UHRF2: variants seen among roughly 807,000 people sequenced by gnomAD.
UHRF2 encodes ubiquitin like with PHD and ring finger domains 2.
In UHRF2, 23 loss-of-function variants were observed where a neutral mutation model predicts 96.8. The observed-to-expected ratio is 0.24, with a 90% CI of 0.17 to 0.34. The LOEUF (loss-of-function observed/expected upper bound fraction) is 0.34. Among genes scored for constraint, UHRF2 ranks in the 10% least tolerant of loss-of-function variants. The probability of loss-of-function intolerance (pLI) is 1.00; values close to 1 mark genes in which losing one functional copy is unlikely to be tolerated. For missense variants in UHRF2, 685 were observed against 981.5 expected (o/e 0.70, Z 4.04); for synonymous variants, 385 against 332.6 (o/e 1.16, Z -1.72).
At chr9:6,460,533 C>G (rs894967450) in intron 3 of UHRF2, 40 bp from the exon 4 acceptor site, 2 of 1,521,288 alleles carry the variant, frequency 1.3e-6, no homozygotes, top group South Asian at 1.2e-5. Flanking sequence ...CTTTAGTTGT[C>G]TTTGGTAATC....
intron 4 of UHRF2, among the ~76,000 whole-genome samples, chr9:6,474,579 G>T (rs148155019): frequency 1.9e-3 from 292 of 152,236 alleles, no homozygotes; most frequent in Middle Eastern, 0.014. Flanking sequence ...GGTGGCGCAG[G>T]CCTGTAATCC....
rs201391704 is a variant in UHRF2 at position 6,491,710 on chromosome 9, G to T, written c.1498-2116G>T. Among the ~76,000 whole-genome samples the T allele has an allele frequency of 6.9e-4, 105 of 152,240 alleles. 1 individual carries two copies. Among genetic ancestry groups the T allele is most frequent in the Non-Finnish European group, 6.3e-4 (43 of 68,002 alleles). On this transcript the variant is annotated intron_variant, in intron 9 of 15. Coordinates refer to ENST00000276893, the MANE Select transcript of UHRF2 (RefSeq NM_152896.3). ...AGCTTGGGAGAAGAATAGAGGTTGG[G>T]AATAACTGAAGAACTGAGTTACTTT...
chr9:6,491,454 TA>T (rs1195445982), intron 9 of UHRF2, among the ~76,000 whole-genome samples: 9 of 152,216 alleles, frequency 5.9e-5, no homozygotes, highest in African/African-American at 2.2e-4. Context: ...TGCAGGGATG[TA>T]AAGGGTGTTA....
chr9:6,415,442 T>C (rs1819542938), intron 1 of UHRF2: 1 of 152,262 alleles, frequency 6.6e-6, no homozygotes, highest in South Asian at 2.1e-4. Flanking sequence ...GTTCACTTTC[T>C]TATGCGCTGA....
chr9:6,458,073 G>T (rs1446967248), intron 3 of UHRF2, among the ~76,000 whole-genome samples: 1 of 152,176 alleles, frequency 6.6e-6, no homozygotes, highest in East Asian at 1.9e-4. Flanking sequence ...AATAGTTTCA[G>T]AAGAAATGGT....
intron 14 of UHRF2, among the ~76,000 whole-genome samples, chr9:6,500,930 C>T (rs149286030): frequency 8.5e-4 from 129 of 152,188 alleles, no homozygotes; most frequent in African/African-American, 2.9e-3. Flanking sequence ...TTCTCTATGC[C>T]CAAAGTTACT....
intron 3 of UHRF2, among the ~76,000 whole-genome samples, chr9:6,456,805 C>T (rs1441397928): frequency 6.6e-6 from 1 of 152,134 alleles, no homozygotes; most frequent in Non-Finnish European, 1.5e-5. Context: ...TTCCCCATTT[C>T]TTGTTTTTGT....
At chr9:6,422,308 C>T (rs1819974182) in intron 2 of UHRF2, among the ~76,000 whole-genome samples, 1 of 152,078 alleles carries the variant, frequency 6.6e-6, no homozygotes, top group Non-Finnish European at 1.5e-5. Context: ...TCTCGAACTC[C>T]TGACCTCCTC....
intron 2 of UHRF2, chr9:6,422,635 G>T: frequency 4.7e-6 from 3 of 641,274 alleles, no homozygotes; most frequent in South Asian, 3.6e-5. Context: ...TTTGAGACAG[G>T]GTCTGGCTCT....
rs562076714 is a variant in UHRF2, at chr9:6,425,482, C to T, written c.384+4340C>T. Among the ~76,000 whole-genome samples, 43 of 152,148 alleles carry T rather than the reference C, an allele frequency of 2.8e-4. 1 individual carries two copies. Among genetic ancestry groups the T allele is most frequent in the African/African-American group, 1.0e-3 (42 of 41,514 alleles). ...ATTGTCAAAGGATAGAGGCCGGGCG[C>T]AGTGGCTCATGCCTGTAATCCCAGC... is the stretch of plus-strand genomic sequence containing the variant. On this transcript the variant is annotated intron_variant, in intron 2 of 15. Transcript: ENST00000276893.
chr9:6,427,310 CATG>C (rs1193725974), intron 2 of UHRF2, among the ~76,000 whole-genome samples: 1 of 152,088 alleles, frequency 6.6e-6, no homozygotes, highest in Non-Finnish European at 1.5e-5. Context: ...CTTTGAACAT[CATG>C]ATAAGCAGGT....
intron 3 of UHRF2, among the ~76,000 whole-genome samples, chr9:6,438,828 T>C (rs1226187472): frequency 6.6e-6 from 1 of 152,210 alleles, no homozygotes; most frequent in Admixed American, 6.5e-5. Flanking sequence ...CCAAGATAAA[T>C]AGCTATTCTC....
intron 2 of UHRF2, among the ~76,000 whole-genome samples, chr9:6,429,596 G>A (rs927193282): frequency 6.6e-5 from 10 of 152,182 alleles, no homozygotes; most frequent in African/African-American, 2.4e-4. Flanking sequence ...CTCCCGAAGT[G>A]CTGGAATTAC....
chr9:6,413,825 G>A, intron 1 of UHRF2, 182 bp downstream of exon 1: 2 of 707,902 alleles, frequency 2.8e-6, no homozygotes, highest in South Asian at 3.6e-5. Flanking sequence ...GTGGGGAGTG[G>A]GTCCCTGCCA....
At chr9:6,474,204 G>A (rs1823422012) in intron 4 of UHRF2, among the ~76,000 whole-genome samples, 1 of 152,170 alleles carries the variant, frequency 6.6e-6, no homozygotes, top group South Asian at 2.1e-4. Context: ...AATTGGTTAA[G>A]CTATGCATTT....
At chr9:6,429,366 G>A (rs1767785723) in intron 2 of UHRF2, among the ~76,000 whole-genome samples, 1 of 152,212 alleles carries the variant, frequency 6.6e-6, no homozygotes, top group African/African-American at 2.4e-5. Context: ...AACAGCTAAT[G>A]TTTACCAGCA....
intron 3 of UHRF2, among the ~76,000 whole-genome samples, chr9:6,453,827 C>T (rs753841160): frequency 7.2e-5 from 11 of 152,056 alleles, no homozygotes; most frequent in Non-Finnish European, 1.3e-4. Flanking sequence ...ATCGCTTGGA[C>T]CCAGGAGGCG....
intron 14 of UHRF2, among the ~76,000 whole-genome samples, chr9:6,501,195 A>T (rs946194135): frequency 2.0e-5 from 3 of 152,184 alleles, no homozygotes; most frequent in Non-Finnish European, 4.4e-5. Context: ...ATTTTAAAGT[A>T]AAAAGGAATC....
chr9:6,501,415 C>G lies in UHRF2; in HGVS notation c.2163+706C>G, dbSNP rs537372066. ...ATACAATTACTTTTCTGTTTTCTTT[C>G]TCTCCAAAGTGTTGATGTGCCCCCA... On this transcript the variant is annotated intron_variant, in intron 14 of 15. Transcript: ENST00000276893. Among the ~76,000 whole-genome samples the G allele has an allele frequency of 4.6e-5, 7 of 152,256 alleles. No individual in the cohort carries two copies. The South Asian group carries it at 1.4e-3, about 32-fold the overall frequency.
Sources: gnomAD v4.1 joint callset for allele counts (sites outside exome capture counted in the v4.1 genomes callset) on GRCh38, gnomAD v4.1.1 for gene constraint, MANE v1.5 for transcripts, NCBI Gene and HGNC (gene_info 2026-07-23, HGNC 2026-07-21) for gene names.